Variants in AIMP1 observed in about 807,000 individuals in gnomAD.
AIMP1 encodes aminoacyl tRNA synthase complex-interacting multifunctional protein 1.
A neutral mutation model predicts 33.1 loss-of-function variants in AIMP1; 24 were observed. The observed-to-expected ratio is 0.73, with a 90% confidence interval of 0.53 to 1.02. The LOEUF (loss-of-function observed/expected upper bound fraction) is 1.02. Among genes scored for constraint, AIMP1 ranks in the 50% least tolerant of loss-of-function variants. The pLI is 0.00. For synonymous variants in AIMP1, 120 were observed against 121.5 expected (o/e 0.99, Z 0.08); for missense variants, 367 against 364.8 (o/e 1.01, Z -0.05).
intron 1 of AIMP1, among the ~76,000 whole-genome samples, chr4:106,319,434 C>A (rs970418361): frequency 6.6e-6 from 1 of 152,112 alleles, no homozygotes; most frequent in Non-Finnish European, 1.5e-5. Flanking sequence ...GCATTAGAGG[C>A]ATCGTATGAT....
intron 5 of AIMP1, among the ~76,000 whole-genome samples, chr4:106,335,365 C>T (rs1769836035): frequency 6.6e-6 from 1 of 151,888 alleles, no homozygotes; most frequent in African/African-American, 2.4e-5. Context: ...CAGCAGCCAT[C>T]ATTCACAACC....
At chr4:106,340,500 A>G (rs1770055874) in intron 6 of AIMP1, among the ~76,000 whole-genome samples, 2 of 152,104 alleles carry the variant, frequency 1.3e-5, no homozygotes, top group South Asian at 4.1e-4. Flanking sequence ...TGTATACGCA[A>G]TGTTTAGGTT....
At chr4:106,328,311 GATAATA>G in intron 4 of AIMP1, 68 bp downstream of exon 4, 6 of 1,495,638 alleles carry the variant, frequency 4.0e-6, no homozygotes, top group Middle Eastern at 1.8e-4. Flanking sequence ...TTTTGATAAT[GATAATA>G]ATAATAGTAT....
In AIMP1 at chr4:106,325,166, A is replaced by G. The variant is rs373813250; in HGVS notation, c.109+48A>G. ...GAGGAGATACTTAAAATGAATTCAT[A>G]CATTGATGGAGAAAAAATAATGTTT... On this transcript the variant is annotated intron_variant, in intron 2 of 6. Transcript: ENST00000672341. 71 of 1,472,708 alleles carry G rather than the reference A, an allele frequency of 4.8e-5. 1 individual carries two copies. The highest frequency in any genetic ancestry group is 2.4e-5 in the Non-Finnish European group (26 of 1,066,580). 91.2% of individuals were successfully genotyped at this position (1,472,708 alleles called of 1,614,324 possible).
chr4:106,322,186 C>T (rs895469550), intron 1 of AIMP1, among the ~76,000 whole-genome samples: 6 of 152,008 alleles, frequency 3.9e-5, no homozygotes, highest in Non-Finnish European at 7.4e-5. Context: ...AACCAGAGAC[C>T]TTTGTTCATA....
intron 5 of AIMP1, among the ~76,000 whole-genome samples, chr4:106,335,791 C>G (rs558119846): frequency 6.6e-6 from 1 of 151,592 alleles, no homozygotes; most frequent in African/African-American, 2.4e-5. Flanking sequence ...ATAAAACCAT[C>G]TTTTATCTAG....
intron 2 of AIMP1, among the ~76,000 whole-genome samples, chr4:106,326,311 T>C (rs1194520230): frequency 6.6e-6 from 1 of 152,236 alleles, no homozygotes; most frequent in East Asian, 1.9e-4. Context: ...AAATTTATGA[T>C]AGGCCACTAT....
chr4:106,324,916 T>C, intron 1 of AIMP1, 69 bp from the exon 2 acceptor site: 3 of 1,291,810 alleles, frequency 2.3e-6, no homozygotes, highest in Non-Finnish European at 2.1e-6. Context: ...AGACTGCTTT[T>C]TCATAGTGGC....
chr4:106,347,484 A>G (rs751663761), intron 6 of AIMP1, 42 bp from the exon 7 acceptor site: 21 of 1,575,880 alleles, frequency 1.3e-5, no homozygotes, highest in Admixed American at 5.2e-5. Flanking sequence ...ATTTTTGTAT[A>G]TTAGCTGTGT....
At chr4:106,316,380 G>T (rs757479021), upstream of AIMP1, 2 of 663,294 alleles carry the variant, frequency 3.0e-6, no homozygotes, top group Non-Finnish European at 5.4e-6. Flanking sequence ...TGAAAATACT[G>T]GGTGAGGGAA....
At chr4:106,344,094 C>T (rs1693834670) in intron 6 of AIMP1, among the ~76,000 whole-genome samples, 1 of 152,128 alleles carries the variant, frequency 6.6e-6, no homozygotes, top group African/African-American at 2.4e-5. Context: ...AACTTGGCTT[C>T]TGGCACCACA....
intron 4 of AIMP1, among the ~76,000 whole-genome samples, chr4:106,330,754 A>G (rs957980176): frequency 6.6e-6 from 1 of 152,208 alleles, no homozygotes; most frequent in Non-Finnish European, 1.5e-5. Flanking sequence ...AAATAAATGT[A>G]TAGTTGAGAA....
chr4:106,347,431 C>G (rs1362624042), intron 6 of AIMP1, 95 bp from the exon 7 acceptor site: 7 of 1,225,442 alleles, frequency 5.7e-6, no homozygotes, highest in Non-Finnish European at 7.7e-6. Context: ...GAAAATGTTG[C>G]CAAAACAATT....
chr4:106,348,676 A>G lies in AIMP1; in HGVS notation c.*984A>G, dbSNP rs1463678840. ...TTGAGGAATTATAAGCCTACAGGTC[A>G]TCAGCCTTGAGGTGATTACTGATGA... On this transcript the variant is annotated 3_prime_UTR_variant, in exon 7 of 7. Transcript: ENST00000672341. The G allele has an allele frequency of 1.3e-5, 2 of 152,134 alleles. No individual in the cohort carries two copies. Among genetic ancestry groups the G allele is most frequent in the Non-Finnish European group, 2.9e-5 (2 of 68,014 alleles). 9.4% of individuals were successfully genotyped at this position (152,134 alleles called of 1,614,324 possible).
chr4:106,320,090 T>C (rs1322635446), intron 1 of AIMP1, among the ~76,000 whole-genome samples: 2 of 152,214 alleles, frequency 1.3e-5, no homozygotes, highest in East Asian at 3.8e-4. Context: ...GTAGTTGTTA[T>C]TATCATCTAT....
At chr4:106,339,719 A>C (rs1770023020) in intron 6 of AIMP1, among the ~76,000 whole-genome samples, 1 of 152,358 alleles carries the variant, frequency 6.6e-6, no homozygotes, top group East Asian at 1.9e-4. Flanking sequence ...AGAACAGATT[A>C]ATGTGCTGCA....
chr4:106,328,689 A>T (rs1411726613), intron 4 of AIMP1, among the ~76,000 whole-genome samples: 2 of 152,200 alleles, frequency 1.3e-5, no homozygotes, highest in African/African-American at 2.4e-5. Flanking sequence ...GTAGATAGAA[A>T]TGTCACCATC....
intron 5 of AIMP1, among the ~76,000 whole-genome samples, chr4:106,334,978 C>A (rs1016719343): frequency 1.1e-4 from 16 of 152,078 alleles, no homozygotes; most frequent in Admixed American, 1.3e-4. Flanking sequence ...TCTTATAGAT[C>A]ATTGTAAAGT....
intron 6 of AIMP1, among the ~76,000 whole-genome samples, chr4:106,341,939 C>T (rs1770113883): frequency 6.6e-6 from 1 of 152,090 alleles, no homozygotes; most frequent in Admixed American, 6.6e-5. Context: ...CAATGTTTTT[C>T]CATGTGTTTG....
Sources: allele counts gnomAD v4.1 joint callset (sites outside exome capture counted in the v4.1 genomes callset), GRCh38; gene constraint gnomAD v4.1.1; transcripts MANE v1.5; gene names NCBI Gene and HGNC (gene_info 2026-07-23, HGNC 2026-07-21).